Variants in PLA2G12A observed in about 807,000 individuals in gnomAD.
PLA2G12A encodes phospholipase A2 group XIIA.
A neutral mutation model predicts 16.0 loss-of-function variants in PLA2G12A; 11 were observed. That is an observed-to-expected ratio of 0.69 (90% CI 0.43 to 1.13). The LOEUF (loss-of-function observed/expected upper bound fraction) is 1.13. PLA2G12A is among the 50% of genes most tolerant of loss of function. PLA2G12A has a pLI of 0.00. For synonymous variants in PLA2G12A, 77 were observed against 93.8 expected (o/e 0.82, Z 1.03); for missense variants, 214 against 237.3 (o/e 0.90, Z 0.65).
At chr4:109,717,815 G>A (rs769586313) in intron 2 of PLA2G12A, 102 bp from the exon 3 acceptor site, 14 of 1,127,768 alleles carry the variant, frequency 1.2e-5, no homozygotes, top group African/African-American at 6.2e-5. Flanking sequence ...AATGACTGCT[G>A]TATAGATAGT....
Position 109,724,544 on chromosome 4 carries a change from C to G in PLA2G12A, c.208+5058G>C, listed in dbSNP as rs1054964449. Among the ~76,000 whole-genome samples, 8 of 152,158 alleles carry G rather than the reference C, an allele frequency of 5.3e-5. 1 individual carries two copies. The highest frequency in any genetic ancestry group is 2.0e-4 in the Admixed American group (3 of 15,286). ...CTGATTTCAAATCTATAAAAACATT[C>G]CTGATGCTGATGATGTGTGTAATGA... is the stretch of plus-strand genomic sequence containing the variant. On this transcript the variant is annotated intron_variant, in intron 1 of 3. Coordinates refer to ENST00000243501, the MANE Select transcript of PLA2G12A (RefSeq NM_030821.5).
chr4:109,715,547 A>G (rs1421223909), intron 3 of PLA2G12A, among the ~76,000 whole-genome samples: 2 of 152,036 alleles, frequency 1.3e-5, no homozygotes, highest in African/African-American at 2.4e-5. Flanking sequence ...GTGCAGTGGC[A>G]TGATCTTGGT....
intron 1 of PLA2G12A, among the ~76,000 whole-genome samples, chr4:109,725,331 T>C (rs748662442): frequency 1.2e-4 from 18 of 152,382 alleles, no homozygotes; most frequent in Middle Eastern, 6.8e-3. Flanking sequence ...GCAAGTTATA[T>C]AGACAGTTCT....
chr4:109,719,495 T>G (rs1178105782), intron 1 of PLA2G12A, among the ~76,000 whole-genome samples: 1 of 152,190 alleles, frequency 6.6e-6, no homozygotes, highest in Non-Finnish European at 1.5e-5. Context: ...TGTTCCCCAG[T>G]AGCATCAAGG....
chr4:109,726,867 C>T (rs1417153380), intron 1 of PLA2G12A, among the ~76,000 whole-genome samples: 6 of 151,906 alleles, frequency 3.9e-5, no homozygotes, highest in Non-Finnish European at 8.8e-5. Flanking sequence ...TAATGCCAGT[C>T]CCTCAGGTAA....
At chr4:109,725,790 T>C (rs1199224193) in intron 1 of PLA2G12A, among the ~76,000 whole-genome samples, 1 of 152,202 alleles carries the variant, frequency 6.6e-6, no homozygotes, top group Non-Finnish European at 1.5e-5. Context: ...TGACAGAATA[T>C]GAAGCAGATG....
chr4:109,725,641 T>C (rs908641752), intron 1 of PLA2G12A, among the ~76,000 whole-genome samples: 25 of 152,268 alleles, frequency 1.6e-4, no homozygotes, highest in Non-Finnish European at 1.3e-4. Context: ...AAGCAATAGC[T>C]CCTTCTCTTG....
rs184199030 is a variant in PLA2G12A at position 109,724,598 on chromosome 4, C to T, written c.208+5004G>A. On this transcript the variant is annotated intron_variant, in intron 1 of 3. Transcript: ENST00000243501. ...TGATACATATATATGTGTATGCATGCGTGTACATATATAGACATTTTCTCA... is the reference window on the plus strand; with the variant it reads ...TGATACATATATATGTGTATGCATGTGTGTACATATATAGACATTTTCTCA... Among the ~76,000 whole-genome samples the T allele has an allele frequency of 2.7e-4, 41 of 152,072 alleles. No homozygotes were observed. In the East Asian group the frequency reaches 6.7e-3, roughly 25 times the overall value.
chr4:109,711,596 C>T lies in PLA2G12A; in HGVS notation c.*2781G>A, dbSNP rs557251455. 6.6e-6 allele frequency: 1 copy of T among 152,256 alleles called. No homozygotes were observed. The highest frequency in any genetic ancestry group is 1.9e-4 in the East Asian group (1 of 5,172). 9.4% of individuals were successfully genotyped at this position (152,256 alleles called of 1,614,324 possible). A position where few individuals can be genotyped will look rare whatever the true frequency, so the allele number is the denominator to read the frequency against. On this transcript the variant is annotated 3_prime_UTR_variant, in exon 4 of 4. Coordinates refer to ENST00000243501, the MANE Select transcript of PLA2G12A (RefSeq NM_030821.5). ...AATACAAAATATACATGAGTCCATACTGATGTAAACAAATTAGGGTGGGAG... is the reference window on the plus strand; with the variant it reads ...AATACAAAATATACATGAGTCCATATTGATGTAAACAAATTAGGGTGGGAG...
rs67674001 is a variant in PLA2G12A, at chr4:109,711,053, C to CTTTTTT, written c.*3318_*3323dup. 3.1e-4 allele frequency: 18 copies of CTTTTTT among 57,230 alleles called. No homozygotes were observed. The highest frequency in any genetic ancestry group is 1.3e-3 in the African/African-American group (16 of 11,914). 3.5% of individuals were successfully genotyped at this position (57,230 alleles called of 1,614,324 possible). A position where few individuals can be genotyped will look rare whatever the true frequency, so the allele number is the denominator to read the frequency against. ...AGAGCTGCTGACAGTTAGTTCTTGCCTTTTTTTTTTTTTTTTTTTTTTTGC... is the reference window on the plus strand; with the variant it reads ...AGAGCTGCTGACAGTTAGTTCTTGCCTTTTTTTTTTTTTTTTTTTTTTTTTTTTTGC... On this transcript the variant is annotated 3_prime_UTR_variant, in exon 4 of 4. Coordinates refer to ENST00000243501, the MANE Select transcript of PLA2G12A (RefSeq NM_030821.5).
At chr4:109,714,995 GA>G in intron 3 of PLA2G12A, among the ~76,000 whole-genome samples, 1 of 150,114 alleles carries the variant, frequency 6.7e-6, no homozygotes, top group East Asian at 1.9e-4. Context: ...GTTTTTAGTA[GA>G]TATGAGGTCT....
chr4:109,723,309 T>C (rs1463139284), intron 1 of PLA2G12A, among the ~76,000 whole-genome samples: 1 of 152,224 alleles, frequency 6.6e-6, no homozygotes, highest in Non-Finnish European at 1.5e-5. Flanking sequence ...AGTCTAAATA[T>C]AAGATTGTAT....
intron 3 of PLA2G12A, 30 bp downstream of exon 3, chr4:109,717,518 C>T: frequency 1.3e-6 from 2 of 1,598,444 alleles, no homozygotes; most frequent in Middle Eastern, 3.6e-4. Context: ...AAAAAGTACA[C>T]TCATCCCCAA....
chr4:109,714,227 T>C lies in PLA2G12A; in HGVS notation c.*150A>G. The C allele has an allele frequency of 1.5e-6, 1 of 685,028 alleles. No individual in the cohort carries two copies. Among genetic ancestry groups the C allele is most frequent in the Non-Finnish European group, 2.6e-6 (1 of 392,092 alleles). The allele number at this position is 685,028 out of a possible 1,614,324, so 42.4% of individuals were successfully genotyped here. A position where few individuals can be genotyped will look rare whatever the true frequency, so the allele number is the denominator to read the frequency against. On this transcript the variant is annotated 3_prime_UTR_variant, in exon 4 of 4. Coordinates refer to ENST00000243501, the MANE Select transcript of PLA2G12A (RefSeq NM_030821.5). ...CACTATCTCCCTCACTTTTTTTGCT[T>C]TGAGGTTTTAACATCAAGATATAAA...
chr4:109,729,473 G>T, intron 1 of PLA2G12A, 129 bp downstream of exon 1: 2 of 1,003,812 alleles, frequency 2.0e-6, no homozygotes, highest in Non-Finnish European at 2.9e-6. Context: ...TCTAGCAGTG[G>T]TTAAGTTTTT....
At chr4:109,718,551 T>A in intron 2 of PLA2G12A, 132 bp downstream of exon 2, 1 of 663,106 alleles carries the variant, frequency 1.5e-6, no homozygotes, top group Admixed American at 3.7e-5. Context: ...AAAAAGAATC[T>A]AATAAACCTG....
At chr4:109,715,381 C>G (rs1289728264) in intron 3 of PLA2G12A, among the ~76,000 whole-genome samples, 2 of 152,130 alleles carry the variant, frequency 1.3e-5, no homozygotes, top group South Asian at 2.1e-4. Context: ...TCTCTTTGAC[C>G]AATGTCCTAA....
At chr4:109,725,729 T>G (rs1422650689) in intron 1 of PLA2G12A, among the ~76,000 whole-genome samples, 1 of 152,206 alleles carries the variant, frequency 6.6e-6, no homozygotes, top group Non-Finnish European at 1.5e-5. Context: ...TTTCCATGTA[T>G]TTTTTCTAAA....
At chr4:109,723,232 GTTCT>G (rs1189076199) in intron 1 of PLA2G12A, among the ~76,000 whole-genome samples, 1 of 151,526 alleles carries the variant, frequency 6.6e-6, no homozygotes, top group African/African-American at 2.4e-5. Flanking sequence ...AAAATCATCA[GTTCT>G]TTCTAAAATG....
Sources: gnomAD v4.1 joint callset for allele counts (sites outside exome capture counted in the v4.1 genomes callset) on GRCh38, gnomAD v4.1.1 for gene constraint, MANE v1.5 for transcripts, NCBI Gene and HGNC (gene_info 2026-07-23, HGNC 2026-07-21) for gene names.